The following SLFN11 variants were observed in gnomAD, a reference collection of about 807,000 sequenced individuals.
The protein encoded by SLFN11 is schlafen family member 11.
In SLFN11, 43 loss-of-function variants were observed where a neutral mutation model predicts 53.4. The observed-to-expected ratio is 0.80, with a 90% confidence interval of 0.63 to 1.04. The LOEUF (loss-of-function observed/expected upper bound fraction) is 1.04. SLFN11 is among the 50% of genes least tolerant of loss of function. SLFN11 has a pLI of 0.00. For synonymous variants in SLFN11, 389 were observed against 394.7 expected (o/e 0.99, Z 0.17); for missense variants, 990 against 1,079.1 (o/e 0.92, Z 1.16).
intron 3 of SLFN11, among the ~76,000 whole-genome samples, chr17:35,364,846 G>C (rs575468511): frequency 5.9e-5 from 9 of 152,136 alleles, no homozygotes; most frequent in African/African-American, 1.9e-4. Flanking sequence ...ATGAGTCAAC[G>C]AATAAATGGG....
intron 5 of SLFN11, among the ~76,000 whole-genome samples, chr17:35,359,323 A>C (rs1033603097): frequency 6.6e-6 from 1 of 152,152 alleles, no homozygotes; most frequent in Non-Finnish European, 1.5e-5. Context: ...TCTAAAATAT[A>C]AATTTGATAT....
intron 4 of SLFN11, among the ~76,000 whole-genome samples, chr17:35,362,433 A>C (rs1312093843): frequency 3.3e-5 from 5 of 152,138 alleles, no homozygotes; most frequent in Non-Finnish European, 7.4e-5. Flanking sequence ...AATTCCTGAA[A>C]ATTTAATAAT....
chr17:35,353,059 T>A lies in SLFN11; in HGVS notation c.2003A>T (p.Asp668Val). The A allele has an allele frequency of 6.2e-7, 1 of 1,614,186 alleles. No individual in the cohort carries two copies. Among genetic ancestry groups the A allele is most frequent in the Non-Finnish European group, 8.5e-7 (1 of 1,180,044 alleles). The part of the protein sequence containing the change: ...NFEHIQHIVI[D>V]EAQNFRTEDG... ...TTCAGTACGGAAATTCTGAGCTTCG[T>A]CAATGACGATGTGTTGAATGTGTTC... Residue 668 changes from aspartate (D) to valine (V), a missense_variant, in exon 7 of 7, where the codon GAC becomes GTC. Physicochemically the swap from Asp to Val is radical, Grantham distance 152. This residue lies in a region of SLFN11 where 313 missense variants were observed against 320.9 expected (regional missense o/e 0.98). Transcript: ENST00000685675.
chr17:35,360,774 C>A (rs2141957417), intron 4 of SLFN11, among the ~76,000 whole-genome samples: 1 of 152,226 alleles, frequency 6.6e-6, no homozygotes, highest in Admixed American at 6.5e-5. Flanking sequence ...AATATCATCT[C>A]ATCACTGATT....
intron 5 of SLFN11, among the ~76,000 whole-genome samples, chr17:35,356,015 G>T (rs997082509): frequency 6.6e-6 from 1 of 152,116 alleles, no homozygotes; most frequent in Non-Finnish European, 1.5e-5. Context: ...AATCAATCAG[G>T]TGAGGTATCC....
intron 2 of SLFN11, 154 bp from the exon 3 acceptor site, chr17:35,367,217 C>T (rs1375134598): frequency 6.6e-6 from 1 of 152,072 alleles, no homozygotes; most frequent in African/African-American, 2.4e-5. Context: ...GTAAAATATT[C>T]CTTTCGATGT....
chr17:35,366,315 A>G (rs1375638740), intron 3 of SLFN11, among the ~76,000 whole-genome samples: 2 of 152,136 alleles, frequency 1.3e-5, no homozygotes, highest in Non-Finnish European at 2.9e-5. Context: ...GATTATGAAT[A>G]ATCAAGATTA....
intron 5 of SLFN11, among the ~76,000 whole-genome samples, chr17:35,358,710 C>A (rs117336727): frequency 0.01 from 1,553 of 152,146 alleles, 21 homozygotes; most frequent in Middle Eastern, 0.031. Context: ...TACATTAACT[C>A]TTTAAATGTT....
intron 1 of SLFN11, among the ~76,000 whole-genome samples, chr17:35,369,714 AGGATCATTAGT>A (rs1293404128): frequency 6.6e-6 from 1 of 152,192 alleles, no homozygotes; most frequent in African/African-American, 2.4e-5. Flanking sequence ...AGAAATTCAA[AGGATCATTAGT>A]GGCTACTATG....
rs754391877 is a variant in SLFN11 at position 35,369,358 on chromosome 17, AG to A, written c.-234-1659del. On this transcript the variant is annotated intron_variant, in intron 1 of 6. Transcript: ENST00000685675. ...GTGAACCCGTGGTTGTGTTGGCCAC[AG>A]GGTCATCTCCTCTGCCTGTGGAAAA... Among the ~76,000 whole-genome samples, 11 of 152,124 alleles carry A rather than the reference AG, an allele frequency of 7.2e-5. 1 individual carries two copies. The highest frequency in any genetic ancestry group is 1.3e-4 in the Non-Finnish European group (9 of 68,038).
chr17:35,358,628 T>C (rs8064546), intron 5 of SLFN11, among the ~76,000 whole-genome samples: 14,851 of 151,930 alleles, frequency 0.098, 1,167 homozygotes, highest in African/African-American at 0.21. Flanking sequence ...ATTGAGCTTT[T>C]TCAAATGCCT....
At chr17:35,368,935 T>G (rs556612832) in intron 1 of SLFN11, among the ~76,000 whole-genome samples, 5 of 152,216 alleles carry the variant, frequency 3.3e-5, no homozygotes, top group African/African-American at 1.2e-4. Flanking sequence ...GACCCAGTCC[T>G]GGCAGGATCT....
At chr17:35,354,950 T>G (rs1263826646) in intron 5 of SLFN11, among the ~76,000 whole-genome samples, 1 of 152,078 alleles carries the variant, frequency 6.6e-6, no homozygotes, top group Non-Finnish European at 1.5e-5. Context: ...CTCACACGAC[T>G]TGATTATCCC....
chr17:35,354,610 G>T (rs985168675), intron 5 of SLFN11, among the ~76,000 whole-genome samples: 2 of 152,136 alleles, frequency 1.3e-5, no homozygotes, highest in Admixed American at 6.5e-5. Context: ...GATTCTTAAA[G>T]CTATCTCTCC....
At chr17:35,372,056 AT>A (rs1388504860) in intron 1 of SLFN11, among the ~76,000 whole-genome samples, 2 of 152,156 alleles carry the variant, frequency 1.3e-5, no homozygotes, top group African/African-American at 4.8e-5. Context: ...AATAGCTAAG[AT>A]TTGGAAGCAC....
In SLFN11 at chr17:35,353,739, T is replaced by C. The variant is rs200274296; in HGVS notation, c.1519A>G (p.Lys507Glu). 925 of 1,495,270 alleles carry C rather than the reference T, an allele frequency of 6.2e-4. 2 individuals are homozygous for C. The highest frequency in any genetic ancestry group is 2.6e-3 in the East Asian group (108 of 40,878). 92.6% of individuals were successfully genotyped at this position (1,495,270 alleles called of 1,614,324 possible). ...KLVNMGGYTG[K>E]VCVRAKVLCL... Reference sequence around the variant, plus strand: ...AGGACCTTGGCCCTGACACACACCTTCCCGGTGTAGCCCCCCATGTTCACT... The same window carrying C: ...AGGACCTTGGCCCTGACACACACCTCCCCGGTGTAGCCCCCCATGTTCACT... Residue 507 changes from lysine (K) to glutamate (E), a missense_variant, in exon 6 of 7, where the codon AAG becomes GAG. By Grantham distance (56) the Lys-to-Glu change is moderately conservative. Coordinates refer to ENST00000685675, the MANE Select transcript of SLFN11 (RefSeq NM_001376007.1).
chr17:35,365,543 C>T (rs2141977349), intron 3 of SLFN11, among the ~76,000 whole-genome samples: 1 of 152,240 alleles, frequency 6.6e-6, no homozygotes, highest in Admixed American at 6.5e-5. Flanking sequence ...ATCCTCCTGC[C>T]TTGGCCTCCC....
chr17:35,356,637 T>C (rs1400281660), intron 5 of SLFN11, among the ~76,000 whole-genome samples: 1 of 152,118 alleles, frequency 6.6e-6, no homozygotes, highest in African/African-American at 2.4e-5. Context: ...CTTATTCTTT[T>C]CTTACAGCTA....
At chr17:35,353,180 A>C (rs1366121176) in intron 6 of SLFN11, 41 bp from the exon 7 acceptor site, 4 of 1,596,188 alleles carry the variant, frequency 2.5e-6, no homozygotes, top group Non-Finnish European at 3.4e-6. Context: ...TTCTCTAAAA[A>C]AACAAGGGGA....
Sources: allele counts gnomAD v4.1 joint callset (sites outside exome capture counted in the v4.1 genomes callset), GRCh38; gene constraint gnomAD v4.1.1; regional missense constraint gnomAD v4.1.1; transcripts MANE v1.5; gene names NCBI Gene and HGNC (gene_info 2026-07-23, HGNC 2026-07-21).